OR2T2: variants seen among roughly 807,000 people sequenced by gnomAD.
The protein encoded by OR2T2 is olfactory receptor 2T2.
For missense variants in OR2T2, 138 were observed against 409.1 expected, an observed-to-expected ratio of 0.34 and a Z score of 5.72; for synonymous variants, 50 against 162.7, an observed-to-expected ratio of 0.31 and a Z score of 5.27.
intron 2 of OR2T2, among the ~76,000 whole-genome samples, chr1:248,448,165 G>A (rs1327036731): frequency 6.6e-6 from 1 of 150,524 alleles, no homozygotes; most frequent in African/African-American, 2.5e-5. Context: ...TAAGGTGCTT[G>A]CTTTAACTAA....
chr1:248,446,220 C>T (rs867744381), intron 1 of OR2T2, among the ~76,000 whole-genome samples: 34 of 139,328 alleles, frequency 2.4e-4, no homozygotes, highest in Non-Finnish European at 4.4e-4. Flanking sequence ...AAGGCATCCA[C>T]GTGTGCCTTA....
At chr1:248,455,053 T>TTCCACCAAA (rs1350502522) in exon 3 of OR2T2, 2 of 151,634 alleles carry the variant, frequency 1.3e-5, no homozygotes, top group African/African-American at 2.4e-5. Context: ...CTTTGATAGA[T>TTCCACCAAA]GTGTAACTTT....
chr1:248,451,760 G>A (rs1157254238), intron 2 of OR2T2, among the ~76,000 whole-genome samples: 3 of 149,120 alleles, frequency 2.0e-5, no homozygotes, highest in African/African-American at 7.8e-5. Context: ...TCACGGGTGG[G>A]AGCCACTGCA....
At chr1:248,453,093 C>A in exon 3 of OR2T2, 1 of 1,613,150 alleles carries the variant, frequency 6.2e-7, no homozygotes, top group Non-Finnish European at 8.5e-7. Flanking sequence ...CTGGGCTGTG[C>A]AGTTCAGATC....
At chr1:248,446,541 C>G (rs574074817) in intron 1 of OR2T2, 48 bp from the exon 2 acceptor site, 1 of 143,982 alleles carries the variant, frequency 6.9e-6, no homozygotes, top group East Asian at 2.0e-4. Context: ...GCCTCTGCTG[C>G]TCCTGTGTAA....
chr1:248,453,148 T>C, exon 3 of OR2T2: 1 of 1,612,732 alleles, frequency 6.2e-7, no homozygotes, highest in Non-Finnish European at 8.5e-7. Context: ...TCCTGCTGGG[T>C]CTCATGGCCT....
intron 2 of OR2T2, among the ~76,000 whole-genome samples, chr1:248,449,816 C>A (rs1289469311): frequency 4.9e-5 from 6 of 123,178 alleles, no homozygotes; most frequent in Admixed American, 4.4e-4. Context: ...TTTTCTTTTT[C>A]TTTTTCTTTT....
At chr1:248,448,804 G>GC (rs1406156495) in intron 2 of OR2T2, among the ~76,000 whole-genome samples, 12 of 72,988 alleles carry the variant, frequency 1.6e-4, no homozygotes, top group South Asian at 8.9e-4. Context: ...TGGCACTTAG[G>GC]ATTAGTAACA....
At position 248,445,983 on chromosome 1, in the gene OR2T2, A is replaced by G. The variant is rs879520351; in HGVS notation, c.-246+314A>G. Among the ~76,000 whole-genome samples the G allele has an allele frequency of 6.9e-5, 10 of 145,524 alleles. 2 individuals carry two copies. The highest frequency in any genetic ancestry group is 7.4e-5 in the Non-Finnish European group (5 of 67,526). ...CGACAGTTAGAAGAATGTGCTTGGT[A>G]TTCACAATGAGAAAGTTTCAGAATT... On this transcript the variant is annotated intron_variant, in intron 1 of 2. Coordinates refer to ENST00000642130, the Ensembl canonical transcript of OR2T2.
At chr1:248,448,022 C>T (rs1662708307) in intron 2 of OR2T2, among the ~76,000 whole-genome samples, 1 of 152,288 alleles carries the variant, frequency 6.6e-6, no homozygotes. Flanking sequence ...CTGAGTCATT[C>T]AGTAGCTGTC....
rs539153978 is a variant in OR2T2, at chr1:248,449,720, G to A, written c.-23+2909G>A. ...TTATAACTGGTCCTGGGGGTCAGGG[G>A]TTCTGGGTTATGTTCTAATCTGCAC... On this transcript the variant is annotated intron_variant, in intron 2 of 2. Coordinates refer to ENST00000642130, the Ensembl canonical transcript of OR2T2. 5.6e-4 allele frequency among the ~76,000 whole-genome samples: 70 copies of A among 124,004 alleles called. 1 individual carries two copies. The highest frequency in any genetic ancestry group is 2.7e-3 in the African/African-American group (64 of 23,540). 81.4% of individuals were successfully genotyped at this position (124,004 alleles called of 152,430 possible).
chr1:248,445,791 C>A (rs1209156303), intron 1 of OR2T2, 122 bp downstream of exon 1: 1 of 151,748 alleles, frequency 6.6e-6, no homozygotes, highest in Non-Finnish European at 1.5e-5. Context: ...CTGCTAATAA[C>A]TGAGGCAGTG....
At chr1:248,447,375 A>G (rs1662689246) in intron 2 of OR2T2, among the ~76,000 whole-genome samples, 1 of 146,070 alleles carries the variant, frequency 6.8e-6, no homozygotes, top group South Asian at 2.3e-4. Context: ...TAAGTACCTT[A>G]TTTCAGCATG....
At position 248,446,801 on chromosome 1, in the gene OR2T2, A is replaced by G. The variant is rs1662669948; in HGVS notation, c.-33A>G. The G allele has an allele frequency of 6.7e-6, 1 of 148,952 alleles. No homozygotes were observed. The highest frequency in any genetic ancestry group is 2.1e-4 in the South Asian group (1 of 4,822). The allele number at this position is 148,952 out of a possible 1,614,324, so 9.2% of individuals were successfully genotyped here. The stretch of plus-strand genomic sequence containing the variant: ...TTGTCCATTGGTGATATCCTTGACA[A>G]TGTAGTTTAGGTAAGTTGGCATGTA... On this transcript the variant is annotated 5_prime_UTR_variant, in exon 2 of 3. An upstream start codon of the reference 5' UTR is lost. Transcript: ENST00000642130.
intron 2 of OR2T2, 90 bp downstream of exon 3, chr1:248,449,482 C>A (rs1396702851): frequency 1.3e-5 from 2 of 148,278 alleles, no homozygotes; most frequent in Non-Finnish European, 3.0e-5. Flanking sequence ...GATCACCTGG[C>A]ACCCTGCAGA....
intron 1 of OR2T2, among the ~76,000 whole-genome samples, chr1:248,446,060 T>G (rs1662638726): frequency 6.9e-6 from 1 of 145,512 alleles, no homozygotes; most frequent in Non-Finnish European, 1.5e-5. Context: ...GCCCTCTGAA[T>G]ATTTTGTTAA....
At chr1:248,448,107 A>G (rs1662710649) in intron 2 of OR2T2, among the ~76,000 whole-genome samples, 2 of 152,066 alleles carry the variant, frequency 1.3e-5, no homozygotes, top group South Asian at 4.2e-4. Flanking sequence ...GGCTCCAAAG[A>G]GATGGAGTTA....
chr1:248,447,984 A>C (rs1471451694), intron 2 of OR2T2, among the ~76,000 whole-genome samples: 1 of 152,408 alleles, frequency 6.6e-6, no homozygotes, highest in East Asian at 1.9e-4. Context: ...CCCTCTGTGT[A>C]GTTGATTCAC....
intron 1 of OR2T2, among the ~76,000 whole-genome samples, chr1:248,446,164 ATTT>A (rs200594110): frequency 7.2e-5 from 10 of 139,114 alleles, no homozygotes; most frequent in African/African-American, 2.1e-4. Context: ...GGAAATCATG[ATTT>A]TTTTTTTTCA....
Sources: allele counts gnomAD v4.1 joint callset (sites outside exome capture counted in the v4.1 genomes callset), GRCh38; gene constraint gnomAD v4.1.1; transcripts MANE v1.5; gene names NCBI Gene and HGNC (gene_info 2026-07-23, HGNC 2026-07-21).